Variants in ANO3 observed in about 807,000 individuals in gnomAD.
The protein encoded by ANO3 is anoctamin 3.
ANO3 carries 99 observed loss-of-function variants against 144.8 expected under a neutral mutation model. The observed-to-expected ratio is 0.68, with a 90% CI of 0.58 to 0.81. The LOEUF (loss-of-function observed/expected upper bound fraction) is 0.81. Among genes scored for constraint, ANO3 ranks in the 30% least tolerant of loss-of-function variants. The pLI, the probability that ANO3 is intolerant of heterozygous loss-of-function variation, is 0.00. For missense variants in ANO3, 905 were observed against 1,202.2 expected, an observed-to-expected ratio of 0.75 and a Z score of 3.66; for synonymous variants, 414 against 392.6, an observed-to-expected ratio of 1.05 and a Z score of -0.64.
chr11:26,391,009 G>A (rs183269802), intron 1 of ANO3, among the ~76,000 whole-genome samples: 146 of 152,182 alleles, frequency 9.6e-4, no homozygotes, highest in African/African-American at 3.3e-3. Context: ...AGCCACTTAA[G>A]AGCAAGAAAT....
intron 14 of ANO3, among the ~76,000 whole-genome samples, chr11:26,592,088 G>A (rs1395895305): frequency 1.3e-5 from 2 of 152,170 alleles, no homozygotes; most frequent in Non-Finnish European, 2.9e-5. Flanking sequence ...TTTAGCTAAG[G>A]AGGTGATGTC....
chr11:26,554,771 T>C (rs1850037553), intron 13 of ANO3, among the ~76,000 whole-genome samples: 1 of 152,056 alleles, frequency 6.6e-6, no homozygotes, highest in South Asian at 2.1e-4. Flanking sequence ...TAGGTTATTC[T>C]TCTCTACACC....
At position 26,582,736 on chromosome 11, in the gene ANO3, T is replaced by C. The variant is rs1286809144; in HGVS notation, c.1448-15629T>C. On this transcript the variant is annotated intron_variant, in intron 14 of 26. Coordinates refer to ENST00000256737, the MANE Select transcript of ANO3 (RefSeq NM_031418.4). ...TTTCTTCTTTATACTTTTAATTAAT[T>C]ATTTCAACATATATTAATTAAAGGC... Among the ~76,000 whole-genome samples, 3 of 152,194 alleles carry C rather than the reference T, an allele frequency of 2.0e-5. No individual in the cohort carries two copies. In the East Asian group the frequency reaches 5.8e-4, roughly 29 times the overall value.
intron 4 of ANO3, among the ~76,000 whole-genome samples, chr11:26,476,247 C>T (rs540159065): frequency 6.6e-6 from 1 of 152,160 alleles, no homozygotes; most frequent in South Asian, 2.1e-4. Flanking sequence ...AATAAGCCTA[C>T]ATATAATTAT....
chr11:26,439,046 A>G (rs1858415283), intron 1 of ANO3, among the ~76,000 whole-genome samples: 1 of 152,142 alleles, frequency 6.6e-6, no homozygotes, highest in African/African-American at 2.4e-5. Context: ...TTTGTGGATA[A>G]TTGATTGTAG....
chr11:26,379,245 G>A (rs1179170049), intron 1 of ANO3, among the ~76,000 whole-genome samples: 2 of 152,146 alleles, frequency 1.3e-5, no homozygotes, highest in African/African-American at 4.8e-5. Context: ...AAAGATGTAG[G>A]TGGACCATAC....
chr11:26,362,463 G>T (rs1855953396), intron 1 of ANO3, among the ~76,000 whole-genome samples: 1 of 152,108 alleles, frequency 6.6e-6, no homozygotes, highest in Non-Finnish European at 1.5e-5. Flanking sequence ...TATCTTAAAG[G>T]ATGACCTATG....
At chr11:26,605,878 A>G (rs1427684246) in intron 17 of ANO3, among the ~76,000 whole-genome samples, 3 of 151,742 alleles carry the variant, frequency 2.0e-5, no homozygotes, top group Non-Finnish European at 4.4e-5. Context: ...TCTTTTAAAA[A>G]AAAACCAACT....
At chr11:26,628,677 C>A (rs543282440) in intron 18 of ANO3, among the ~76,000 whole-genome samples, 1 of 152,294 alleles carries the variant, frequency 6.6e-6, no homozygotes, top group South Asian at 2.1e-4. Context: ...TGCCACATAG[C>A]CTTTTACTCC....
At chr11:26,558,216 T>G (rs1850146771) in intron 13 of ANO3, among the ~76,000 whole-genome samples, 1 of 152,202 alleles carries the variant, frequency 6.6e-6, no homozygotes, top group Admixed American at 6.5e-5. Context: ...CAATTGCTAC[T>G]AAGGATGGCT....
chr11:26,494,843 G>C (rs1042823546), intron 4 of ANO3, among the ~76,000 whole-genome samples: 5 of 152,058 alleles, frequency 3.3e-5, no homozygotes, highest in Non-Finnish European at 5.9e-5. Context: ...GAAATTGTAC[G>C]CATGATTTGA....
At chr11:26,267,529 C>G (rs1445454459) in intron 1 of ANO3, among the ~76,000 whole-genome samples, 3 of 152,192 alleles carry the variant, frequency 2.0e-5, no homozygotes, top group Admixed American at 6.5e-5. Context: ...CAGCGGGTAA[C>G]TGCAAAAATT....
At chr11:26,588,368 A>G (rs1354000324) in intron 14 of ANO3, among the ~76,000 whole-genome samples, 1 of 152,224 alleles carries the variant, frequency 6.6e-6, no homozygotes, top group African/African-American at 2.4e-5. Flanking sequence ...AAAAGTGAGA[A>G]TGTGGATTAC....
intron 2 of ANO3, 79 bp from the exon 3 acceptor site, chr11:26,443,686 G>A (rs1218783935): frequency 4.8e-6 from 3 of 628,146 alleles, no homozygotes; most frequent in African/African-American, 2.2e-5. Flanking sequence ...GCCATCATTT[G>A]TCCATCTATA....
intron 4 of ANO3, among the ~76,000 whole-genome samples, chr11:26,483,213 G>T (rs914126188): frequency 5.9e-5 from 9 of 151,582 alleles, no homozygotes; most frequent in Admixed American, 3.3e-4. Flanking sequence ...CCTTTTCTCT[G>T]CATTCTCACC....
rs1369803692 is a variant in ANO3 at position 26,643,321 on chromosome 11, A to G, written c.2415A>G (p.Arg805=). ...AATGGCGGAGGCCTTTGCCAGCCCG[A>G]GCAACTGACATAGGTAAGATTCGGA... is the stretch of plus-strand genomic sequence containing the variant. ...VTQWRRPLPA[R]ATDIGIWLGI... Residue 805 remains arginine (R), a synonymous_variant, in exon 23 of 27, where the codon CGA becomes CGG. Transcript: ENST00000256737. The G allele has an allele frequency of 6.2e-7, 1 of 1,614,050 alleles. No homozygotes were observed. The highest frequency in any genetic ancestry group is 1.1e-5 in the South Asian group (1 of 91,050).
At chr11:26,250,120 G>A (rs1018065041) in intron 1 of ANO3, among the ~76,000 whole-genome samples, 6 of 152,162 alleles carry the variant, frequency 3.9e-5, no homozygotes, top group Non-Finnish European at 5.9e-5. Context: ...AGAAATTTAA[G>A]CTAGCATACA....
rs991203358 is a variant in ANO3 at position 26,463,206 on chromosome 11, C to A, written c.432+58C>A. On this transcript the variant is annotated intron_variant, in intron 4 of 26. Transcript: ENST00000256737. ...TTAGAGCATCATTTTTAAAACCTTA[C>A]AATATTCATCTACATATTTGGTTTT... 32 of 849,722 alleles carry A rather than the reference C, an allele frequency of 3.8e-5. 1 individual carries two copies. The Admixed American group carries it at 6.5e-4, about 17-fold the overall frequency. 52.6% of individuals were successfully genotyped at this position (849,722 alleles called of 1,614,324 possible).
chr11:26,621,901 C>T lies in ANO3; in HGVS notation c.1837-2561C>T, dbSNP rs547547968. Among the ~76,000 whole-genome samples the T allele has an allele frequency of 8.5e-5, 13 of 152,206 alleles. 1 individual carries two copies. Among genetic ancestry groups the T allele is most frequent in the South Asian group, 6.2e-4 (3 of 4,822 alleles). Reference sequence around the variant, plus strand: ...TAGGGCCCGGAATAGTTATCCCTGACGCCCTTTATCCTCTTCCCCAACAAG... The same window carrying T: ...TAGGGCCCGGAATAGTTATCCCTGATGCCCTTTATCCTCTTCCCCAACAAG... On this transcript the variant is annotated intron_variant, in intron 17 of 26. Coordinates refer to ENST00000256737, the MANE Select transcript of ANO3 (RefSeq NM_031418.4).
Sources: gnomAD v4.1 joint callset for allele counts (sites outside exome capture counted in the v4.1 genomes callset) on GRCh38, gnomAD v4.1.1 for gene constraint, MANE v1.5 for transcripts, NCBI Gene and HGNC (gene_info 2026-07-23, HGNC 2026-07-21) for gene names.